Variants in ATP8A2 observed in about 807,000 individuals in gnomAD.
ATP8A2 encodes the protein phospholipid-transporting ATPase IB.
Under a neutral mutation model 165.6 loss-of-function variants are expected in ATP8A2, and 100 were observed. The observed-to-expected ratio is 0.60, with a 90% CI of 0.51 to 0.71. The LOEUF (loss-of-function observed/expected upper bound fraction) is 0.71. Ranked by LOEUF, ATP8A2 falls within the 30% of genes least tolerant of loss-of-function variation. The pLI is 0.00. For synonymous variants in ATP8A2, 543 were observed against 548.8 expected (o/e 0.99, Z 0.15); for missense variants, 1,227 against 1,479.5 (o/e 0.83, Z 2.80).
intron 35 of ATP8A2, among the ~76,000 whole-genome samples, chr13:26,004,736 A>C (rs1046639314): frequency 2.0e-5 from 3 of 152,034 alleles, no homozygotes; most frequent in Non-Finnish European, 4.4e-5. Flanking sequence ...GCTTTTCTGC[A>C]TCTATTGAGA....
intron 33 of ATP8A2, among the ~76,000 whole-genome samples, chr13:25,909,524 T>A (rs1954041676): frequency 6.6e-6 from 1 of 152,212 alleles, no homozygotes; most frequent in South Asian, 2.1e-4. Flanking sequence ...TTTAGGTTGG[T>A]GCAAAAGTCA....
chr13:25,940,942 G>T (rs562916150), intron 33 of ATP8A2, among the ~76,000 whole-genome samples: 71 of 152,322 alleles, frequency 4.7e-4, no homozygotes, highest in East Asian at 2.5e-3. Context: ...TCACAGAGAG[G>T]GCTGGGCACG....
intron 33 of ATP8A2, among the ~76,000 whole-genome samples, chr13:25,936,876 G>C (rs369842099): frequency 1.1e-4 from 17 of 152,284 alleles, no homozygotes; most frequent in African/African-American, 4.1e-4. Context: ...GGTCTGAGGC[G>C]TGGAACTCTG....
chr13:25,687,133 A>C (rs570716428), intron 24 of ATP8A2, among the ~76,000 whole-genome samples: 1 of 152,290 alleles, frequency 6.6e-6, no homozygotes, highest in East Asian at 1.9e-4. Flanking sequence ...AGCGGCCATG[A>C]GCAGAGTGCT....
intron 35 of ATP8A2, among the ~76,000 whole-genome samples, chr13:25,989,685 A>G (rs1230700701): frequency 6.6e-6 from 1 of 151,698 alleles, no homozygotes; most frequent in Non-Finnish European, 1.5e-5. Flanking sequence ...ATTTATTTTC[A>G]GTGACCACCA....
Position 26,021,538 on chromosome 13 carries a change from C to T in ATP8A2, c.*1553C>T, listed in dbSNP as rs1200173646. 1.3e-5 allele frequency: 2 copies of T among 152,192 alleles called. No homozygotes were observed. The highest frequency in any genetic ancestry group is 4.8e-5 in the African/African-American group (2 of 41,428). The allele number at this position is 152,192 out of a possible 1,614,324, so 9.4% of individuals were successfully genotyped here. ...TCACTGACTTTCCCAACTGCAGAGT[C>T]CCACACTTAAATCTCAACAGAACCT... On this transcript the variant is annotated 3_prime_UTR_variant, in exon 37 of 37. Transcript: ENST00000381655.
chr13:25,621,624 T>C (rs924350981), intron 24 of ATP8A2, among the ~76,000 whole-genome samples: 1 of 152,182 alleles, frequency 6.6e-6, no homozygotes, highest in Non-Finnish European at 1.5e-5. Context: ...TTAAGTAAGC[T>C]TCCATCACCA....
At chr13:25,389,617 G>A (rs1203630654) in intron 1 of ATP8A2, among the ~76,000 whole-genome samples, 3 of 152,330 alleles carry the variant, frequency 2.0e-5, no homozygotes, top group Non-Finnish European at 2.9e-5. Context: ...TTCAACTTTG[G>A]ATTGAAGAAG....
chr13:25,407,025 G>A (rs1555716), intron 1 of ATP8A2, among the ~76,000 whole-genome samples: 30,645 of 152,120 alleles, frequency 0.2, 3,556 homozygotes, highest in East Asian at 0.45. Context: ...TTACCTGGCA[G>A]TGGTGATTTT....
At chr13:25,431,502 C>CG (rs59058897) in intron 1 of ATP8A2, among the ~76,000 whole-genome samples, 29,546 of 151,346 alleles carry the variant, frequency 0.2, 3,272 homozygotes, top group East Asian at 0.4. Context: ...ACTTCGGCGG[C>CG]GGGGGGGGAA....
At chr13:25,843,313 C>T (rs1034082427) in intron 30 of ATP8A2, among the ~76,000 whole-genome samples, 3 of 152,068 alleles carry the variant, frequency 2.0e-5, no homozygotes, top group Middle Eastern at 3.2e-3. Context: ...GTGAGAGGCT[C>T]GGGACACTGG....
chr13:25,794,855 A>ACACACACC (rs1950465890), intron 27 of ATP8A2, among the ~76,000 whole-genome samples: 1 of 146,510 alleles, frequency 6.8e-6, no homozygotes, highest in Non-Finnish European at 1.5e-5. Context: ...ACACACACAC[A>ACACACACC]CACACCTTCT....
chr13:25,735,562 G>A (rs1207818534), intron 25 of ATP8A2, among the ~76,000 whole-genome samples: 1 of 145,660 alleles, frequency 6.9e-6, no homozygotes, highest in Non-Finnish European at 1.5e-5. Context: ...CACTGGCAAG[G>A]GTTGGAAGTT....
chr13:25,690,795 G>A (rs2042707482), intron 24 of ATP8A2, among the ~76,000 whole-genome samples: 2 of 152,126 alleles, frequency 1.3e-5, no homozygotes, highest in South Asian at 4.1e-4. Flanking sequence ...ACATGCACTT[G>A]CTCTGTTTGT....
intron 1 of ATP8A2, among the ~76,000 whole-genome samples, chr13:25,392,924 A>C (rs200237740): frequency 8.8e-5 from 13 of 148,116 alleles, no homozygotes; most frequent in Non-Finnish European, 7.5e-5. Flanking sequence ...AAAAAAAAAC[A>C]AAAAAGAAAA....
At chr13:25,708,087 T>C (rs1410369574) in intron 25 of ATP8A2, among the ~76,000 whole-genome samples, 1 of 152,200 alleles carries the variant, frequency 6.6e-6, no homozygotes, top group Non-Finnish European at 1.5e-5. Context: ...CATCAGTGCA[T>C]GTCATTTTTG....
intron 33 of ATP8A2, among the ~76,000 whole-genome samples, chr13:25,926,720 C>T (rs537314326): frequency 3.3e-4 from 50 of 152,280 alleles, no homozygotes; most frequent in African/African-American, 1.2e-3. Flanking sequence ...TTATCGTAGG[C>T]TAGGCATAGT....
Position 25,958,090 on chromosome 13 carries a change from C to T in ATP8A2, c.3184-3485C>T, listed in dbSNP as rs189476668. Among the ~76,000 whole-genome samples the T allele has an allele frequency of 2.3e-3, 352 of 151,878 alleles. 1 individual carries two copies. The highest frequency in any genetic ancestry group is 3.2e-3 in the Non-Finnish European group (215 of 67,948). ...GAGTGAGAGTTGAACAATGAGAACA[C>T]ATGGACACAGGGAGGGGAACATCAC... On this transcript the variant is annotated intron_variant, in intron 33 of 36. Transcript: ENST00000381655.
chr13:25,590,639 C>T (rs1266166121), intron 24 of ATP8A2, among the ~76,000 whole-genome samples: 2 of 152,066 alleles, frequency 1.3e-5, no homozygotes, highest in Non-Finnish European at 2.9e-5. Context: ...GAACTTTTAA[C>T]AAGGGCTTTG....
Sources: allele counts gnomAD v4.1 joint callset (sites outside exome capture counted in the v4.1 genomes callset), GRCh38; gene constraint gnomAD v4.1.1; transcripts MANE v1.5; gene names NCBI Gene and HGNC (gene_info 2026-07-23, HGNC 2026-07-21).